The following OTULIN variants were observed in gnomAD, a reference collection of about 807,000 sequenced individuals.
The protein encoded by OTULIN is OTU deubiquitinase with linear linkage specificity, also known as ubiquitin thioesterase otulin.
A neutral mutation model predicts 39.6 loss-of-function variants in OTULIN; 15 were observed. The observed-to-expected ratio is 0.38, with a 90% confidence interval of 0.25 to 0.58. The LOEUF is 0.58. Among genes scored for constraint, OTULIN ranks in the 20% least tolerant of loss-of-function variants. The pLI, the probability that OTULIN is intolerant of heterozygous loss-of-function variation, is 0.66. For missense variants in OTULIN, 319 were observed against 445.9 expected (o/e 0.72, Z 2.56); for synonymous variants, 156 against 170.3 (o/e 0.92, Z 0.65).
At chr5:14,710,748 G>GCAAAT in the OTULIN span, 1 of 200,006 alleles carries the variant, frequency 5.0e-6, no homozygotes. Context: ...TGACTGGGAA[G>GCAAAT]CAAATCAAAG....
chr5:14,710,201 A>G, the OTULIN span: 2 of 152,162 alleles, frequency 1.3e-5, no homozygotes, highest in South Asian at 4.1e-4. Context: ...ACCAGGTAAT[A>G]TATCTACTTC....
the OTULIN span, chr5:14,712,865 C>T: frequency 1.9e-5 from 31 of 1,601,206 alleles, no homozygotes; most frequent in Non-Finnish European, 2.6e-5. Flanking sequence ...CCCGGCGCGG[C>T]TGTCTCACCT....
chr5:14,681,798 G>T (rs1736258461), intron 4 of OTULIN, among the ~76,000 whole-genome samples, 191 bp downstream of exon 4: 1 of 152,198 alleles, frequency 6.6e-6, no homozygotes, highest in South Asian at 2.1e-4. Context: ...TTTCCTAGAA[G>T]AGAAAAATGA....
intron 1 of OTULIN, among the ~76,000 whole-genome samples, chr5:14,667,359 C>A (rs1179902146): frequency 6.6e-6 from 1 of 152,156 alleles, no homozygotes; most frequent in Non-Finnish European, 1.5e-5. Context: ...AAACATTAAC[C>A]ACATGGATAA....
intron 5 of OTULIN, among the ~76,000 whole-genome samples, chr5:14,688,903 A>G (rs769086406): frequency 4.6e-5 from 7 of 152,168 alleles, no homozygotes; most frequent in Non-Finnish European, 8.8e-5. Context: ...TTTTTCTACT[A>G]TAATTAGACC....
In OTULIN at chr5:14,692,059, G is replaced by A. The variant is rs187565714; in HGVS notation, c.865-795G>A. On this transcript the variant is annotated intron_variant, in intron 6 of 6. Coordinates refer to ENST00000284274, the MANE Select transcript of OTULIN (RefSeq NM_138348.6). ...GAATAACCCTGCTATGAACATTCAT[G>A]TATAATTTTTTTTATGTGAACATAT... Among the ~76,000 whole-genome samples the A allele has an allele frequency of 3.3e-5, 5 of 152,246 alleles. No individual in the cohort carries two copies. The East Asian group carries it at 7.7e-4, about 24-fold the overall frequency.
chr5:14,676,887 G>C (rs771643239), intron 2 of OTULIN, among the ~76,000 whole-genome samples: 1 of 151,878 alleles, frequency 6.6e-6, no homozygotes, highest in African/African-American at 2.4e-5. Context: ...AATATTTCTC[G>C]AATTAAAAAA....
At chr5:14,692,423 T>G (rs1736551186) in intron 6 of OTULIN, among the ~76,000 whole-genome samples, 1 of 152,214 alleles carries the variant, frequency 6.6e-6, no homozygotes, top group African/African-American at 2.4e-5. Context: ...GTTATAGTCA[T>G]TCTAGTGGGT....
In OTULIN at chr5:14,687,632, C is replaced by G; in HGVS notation, c.580C>G (p.Leu194Val). 6.2e-7 allele frequency: 1 copy of G among 1,612,352 alleles called. No homozygotes were observed. Among genetic ancestry groups the G allele is most frequent in the Non-Finnish European group, 8.5e-7 (1 of 1,179,572 alleles). The change falls in exon 5 of 7, where the codon CTG (leucine) becomes GTG (valine). Residue 194 changes from leucine to valine, a missense_variant. Physicochemically the swap from Leu to Val is conservative, Grantham distance 32 (BLOSUM62 1). Transcript: ENST00000284274. ...LVDKIKESLT[L>V]LRKKWAGLAE... The stretch of plus-strand genomic sequence containing the variant: ...TGATAAAATTAAAGAGTCCCTTACT[C>G]TGCTGAGGAAGAAGGTTTGGAACCT...
chr5:14,669,416 C>T (rs1331077253), intron 1 of OTULIN, among the ~76,000 whole-genome samples: 1 of 152,080 alleles, frequency 6.6e-6, no homozygotes, highest in African/African-American at 2.4e-5. Flanking sequence ...AAAATATACA[C>T]TTTAAAATAA....
At chr5:14,704,329 C>CAAAAAAAAAAA (rs1194771023), downstream of OTULIN, among the ~76,000 whole-genome samples, 4 of 65,522 alleles carry the variant, frequency 6.1e-5, no homozygotes, top group African/African-American at 2.7e-4. Context: ...GACTCCGTCT[C>CAAAAAAAAAAA]AAAAAAAAAA....
intron 2 of OTULIN, among the ~76,000 whole-genome samples, chr5:14,674,515 G>A (rs918378285): frequency 6.6e-6 from 1 of 152,250 alleles, no homozygotes; most frequent in African/African-American, 2.4e-5. Context: ...CAGCACTTGG[G>A]GAGGCCGAGG....
chr5:14,692,593 GTTTT>G (rs1468354918), intron 6 of OTULIN, among the ~76,000 whole-genome samples: 1 of 150,598 alleles, frequency 6.6e-6, no homozygotes, highest in African/African-American at 2.4e-5. Context: ...TGGTTATTTG[GTTTT>G]TTGTTTTGTT....
At position 14,676,499 on chromosome 5, in the gene OTULIN, A is replaced by G. The variant is rs140500739; in HGVS notation, c.230-2182A>G. On this transcript the variant is annotated intron_variant, in intron 2 of 6. Coordinates refer to ENST00000284274, the MANE Select transcript of OTULIN (RefSeq NM_138348.6). ...AGCTGTGCCAGTACCCATTTTCCCA[A>G]CCCTCACTACGCTACGTAGGCCTCT... Among the ~76,000 whole-genome samples, 35 of 152,116 alleles carry G rather than the reference A, an allele frequency of 2.3e-4. No homozygotes were observed. The East Asian group carries it at 5.4e-3, about 24-fold the overall frequency.
intron 4 of OTULIN, among the ~76,000 whole-genome samples, chr5:14,683,160 T>C (rs1349972076): frequency 1.3e-5 from 2 of 152,174 alleles, no homozygotes; most frequent in Non-Finnish European, 2.9e-5. Context: ...GCGCCTGTAG[T>C]GTTAGCTACT....
At chr5:14,715,179 T>C in the OTULIN span, among the ~76,000 whole-genome samples, 2 of 152,196 alleles carry the variant, frequency 1.3e-5, no homozygotes, top group Admixed American at 1.3e-4. Context: ...TTGCAGAGGC[T>C]GGAGTGCAGT....
At chr5:14,711,643 T>C in the OTULIN span, among the ~76,000 whole-genome samples, 3 of 152,202 alleles carry the variant, frequency 2.0e-5, no homozygotes, top group Non-Finnish European at 4.4e-5. Context: ...ACCTGTAGAC[T>C]GCTTCTCCTT....
the OTULIN span, chr5:14,713,085 G>T: frequency 9.4e-7 from 1 of 1,060,336 alleles, no homozygotes. The surrounding 1 kb of genome is among the most constrained non-coding windows in gnomAD (Gnocchi z 4.4). Context: ...GAGACCAGCG[G>T]CGTTCTCCAT....
At chr5:14,681,221 C>CT (rs1436106299) in intron 3 of OTULIN, among the ~76,000 whole-genome samples, 2 of 148,748 alleles carry the variant, frequency 1.3e-5, no homozygotes, top group African/African-American at 4.9e-5. Context: ...GTTTAGCTCT[C>CT]TTTTTTCTTG....
Sources: gnomAD v4.1 joint callset for allele counts (sites outside exome capture counted in the v4.1 genomes callset) on GRCh38, gnomAD v4.1.1 for gene constraint, Gnocchi (gnomAD v3.1) non-coding constraint, MANE v1.5 for transcripts, NCBI Gene and HGNC (gene_info 2026-07-23, HGNC 2026-07-21) for gene names.